The following ZMAT4 variants were observed in gnomAD, a reference collection of about 807,000 sequenced individuals.
The protein encoded by ZMAT4 is zinc finger matrin-type 4.
In ZMAT4, 17 loss-of-function variants were observed where a neutral mutation model predicts 28.7. The ratio of observed to expected loss-of-function variants is 0.59; its 90% CI spans 0.41 to 0.89. The LOEUF is 0.89. Among genes scored for constraint, ZMAT4 ranks in the 40% least tolerant of loss-of-function variants. The pLI, the probability that ZMAT4 is intolerant of heterozygous loss-of-function variation, is 0.00. For synonymous variants in ZMAT4, 117 were observed against 109.2 expected, an observed-to-expected ratio of 1.07 and a Z score of -0.44; for missense variants, 240 against 283.8, an observed-to-expected ratio of 0.85 and a Z score of 1.11.
At chr8:40,679,325 T>C (rs1809047537) in intron 4 of ZMAT4, among the ~76,000 whole-genome samples, 1 of 152,192 alleles carries the variant, frequency 6.6e-6, no homozygotes, top group Non-Finnish European at 1.5e-5. Flanking sequence ...GATAAAAATA[T>C]TTCTGCAGCT....
chr8:40,818,113 A>G (rs1010059410), intron 2 of ZMAT4, among the ~76,000 whole-genome samples: 1 of 152,194 alleles, frequency 6.6e-6, no homozygotes. Flanking sequence ...AGCCGTGTGC[A>G]TATTGCCTGA....
chr8:40,892,718 A>C (rs551987265), intron 1 of ZMAT4, among the ~76,000 whole-genome samples: 67 of 152,368 alleles, frequency 4.4e-4, no homozygotes, highest in African/African-American at 1.5e-3. Context: ...TCTGGGCATC[A>C]TCTGCCACAT....
At chr8:40,720,523 C>CTTTTT (rs1307193398) in intron 3 of ZMAT4, among the ~76,000 whole-genome samples, 13 of 113,122 alleles carry the variant, frequency 1.1e-4, no homozygotes, top group Admixed American at 1.9e-4. Flanking sequence ...TGGGTAGAAT[C>CTTTTT]TTTTTTTTTT....
chr8:40,556,124 A>G (rs1803526557), intron 6 of ZMAT4, among the ~76,000 whole-genome samples: 2 of 151,972 alleles, frequency 1.3e-5, no homozygotes, highest in South Asian at 2.1e-4. Context: ...GTTGTTTTTT[A>G]GGGTTTATCC....
intron 3 of ZMAT4, among the ~76,000 whole-genome samples, chr8:40,738,645 C>T (rs748221841): frequency 1.1e-4 from 16 of 152,128 alleles, no homozygotes; most frequent in Non-Finnish European, 1.9e-4. Context: ...CTACAGATGG[C>T]GGCAGGAAAG....
At chr8:40,638,638 G>A (rs529071130) in intron 5 of ZMAT4, among the ~76,000 whole-genome samples, 2 of 152,340 alleles carry the variant, frequency 1.3e-5, no homozygotes, top group South Asian at 4.1e-4. Context: ...GAGGAAACAA[G>A]TGCATTCATG....
chr8:40,849,186 G>A (rs571099897), intron 1 of ZMAT4, among the ~76,000 whole-genome samples: 1 of 152,326 alleles, frequency 6.6e-6, no homozygotes, highest in East Asian at 1.9e-4. Flanking sequence ...AAGGGGCGTG[G>A]GAGGAATTGA....
At chr8:40,820,554 ATG>A (rs1815732061) in intron 2 of ZMAT4, among the ~76,000 whole-genome samples, 1 of 134,074 alleles carries the variant, frequency 7.5e-6, no homozygotes, top group Admixed American at 7.4e-5. Flanking sequence ...TTGTGTGTGT[ATG>A]TGTGTGAGTG....
In ZMAT4 at chr8:40,876,091, C is replaced by T. The variant is rs576303950; in HGVS notation, c.-5+21592G>A. On this transcript the variant is annotated intron_variant, in intron 1 of 6. Coordinates refer to ENST00000297737, the MANE Select transcript of ZMAT4 (RefSeq NM_024645.3). ...ATAATGTGAATTGTGGAACTCACTC[C>T]TTAGTGAAAGCAGGGGGAAAGAAAT... Among the ~76,000 whole-genome samples the T allele has an allele frequency of 5.9e-5, 9 of 152,212 alleles. No homozygotes were observed. The South Asian group carries it at 1.9e-3, about 32-fold the overall frequency.
chr8:40,865,427 T>C (rs1425936450), intron 1 of ZMAT4, among the ~76,000 whole-genome samples: 3 of 151,320 alleles, frequency 2.0e-5, no homozygotes, highest in East Asian at 3.9e-4. Context: ...TGGAGAGGAG[T>C]TGGAAATGAC....
intron 6 of ZMAT4, among the ~76,000 whole-genome samples, chr8:40,540,274 G>A (rs1040800841): frequency 6.6e-6 from 1 of 152,126 alleles, no homozygotes; most frequent in South Asian, 2.1e-4. Context: ...CTGCGGGCAG[G>A]AAGTGCACCA....
intron 3 of ZMAT4, among the ~76,000 whole-genome samples, chr8:40,762,202 C>CTG (rs1812970699): frequency 6.6e-6 from 1 of 152,206 alleles, no homozygotes; most frequent in South Asian, 2.1e-4. Flanking sequence ...TGAATAATGT[C>CTG]CCCCTCCAAA....
intron 2 of ZMAT4, among the ~76,000 whole-genome samples, chr8:40,823,688 CAT>C (rs1815914220): frequency 6.6e-6 from 1 of 151,764 alleles, no homozygotes; most frequent in East Asian, 1.9e-4. Context: ...TACACATATA[CAT>C]ATACACACAC....
intron 5 of ZMAT4, among the ~76,000 whole-genome samples, chr8:40,587,958 A>G (rs766756773): frequency 1.2e-4 from 18 of 152,012 alleles, no homozygotes; most frequent in Non-Finnish European, 2.5e-4. Context: ...GTCTGTATTA[A>G]TATTAGACAA....
At chr8:40,576,283 C>T (rs995573653) in intron 6 of ZMAT4, among the ~76,000 whole-genome samples, 18 of 151,622 alleles carry the variant, frequency 1.2e-4, no homozygotes, top group East Asian at 3.9e-4. Flanking sequence ...TCAAACCTAC[C>T]GAGATACATA....
chr8:40,592,795 A>G (rs1298291833), intron 5 of ZMAT4, among the ~76,000 whole-genome samples: 1 of 152,214 alleles, frequency 6.6e-6, no homozygotes, highest in Non-Finnish European at 1.5e-5. Context: ...TCTATACAGC[A>G]GAGGGAAGAT....
intron 2 of ZMAT4, among the ~76,000 whole-genome samples, chr8:40,768,156 C>T (rs1259354565): frequency 6.6e-6 from 1 of 152,140 alleles, no homozygotes; most frequent in Non-Finnish European, 1.5e-5. Flanking sequence ...CACCTCACCC[C>T]CAATAGAAGC....
At chr8:40,625,415 A>G (rs568036044) in intron 5 of ZMAT4, among the ~76,000 whole-genome samples, 1 of 152,062 alleles carries the variant, frequency 6.6e-6, no homozygotes, top group East Asian at 1.9e-4. Context: ...GGAGAGGAAG[A>G]ATATTTAGGA....
At chr8:40,629,315 A>G (rs576187442) in intron 5 of ZMAT4, among the ~76,000 whole-genome samples, 2 of 151,126 alleles carry the variant, frequency 1.3e-5, no homozygotes, top group South Asian at 2.1e-4. Flanking sequence ...TCCCCTGGAC[A>G]TATTTTCTCA....
Sources: gnomAD v4.1 joint callset for allele counts (sites outside exome capture counted in the v4.1 genomes callset) on GRCh38, gnomAD v4.1.1 for gene constraint, MANE v1.5 for transcripts, NCBI Gene and HGNC (gene_info 2026-07-23, HGNC 2026-07-21) for gene names.